Variants in FBXO15 observed in about 807,000 individuals in gnomAD.
FBXO15 encodes the protein F-box only protein 15.
In FBXO15, 30 loss-of-function variants were observed where a neutral mutation model predicts 49.5. The observed-to-expected ratio is 0.61, with a 90% CI of 0.45 to 0.82. The LOEUF is 0.82. Among genes scored for constraint, FBXO15 ranks in the 40% least tolerant of loss-of-function variants. The pLI, the probability that FBXO15 is intolerant of heterozygous loss-of-function variation, is 0.00. For synonymous variants in FBXO15, 250 were observed against 232.7 expected (o/e 1.07, Z -0.68); for missense variants, 591 against 631.5 (o/e 0.94, Z 0.69).
chr18:74,082,629 C>A (rs1026740575), intron 8 of FBXO15, among the ~76,000 whole-genome samples: 1 of 152,168 alleles, frequency 6.6e-6, no homozygotes, highest in Non-Finnish European at 1.5e-5. Context: ...CCTGGCCACA[C>A]GGAGGAGCCC....
chr18:74,089,116 T>G (rs1340208961), intron 8 of FBXO15, among the ~76,000 whole-genome samples: 2 of 152,186 alleles, frequency 1.3e-5, no homozygotes, highest in East Asian at 1.9e-4. Flanking sequence ...CTATTTATCC[T>G]GATGCTCTCT....
rs750086635 is a variant in FBXO15, at chr18:74,129,482, T to A, written c.708A>T (p.Leu236=). ...ATAAATCTAAGGTTGACAATGATGCTAGGCATGGCCATTTTTTGCCATACC... is the reference window on the plus strand; with the variant it reads ...ATAAATCTAAGGTTGACAATGATGCAAGGCATGGCCATTTTTTGCCATACC... The part of the protein sequence containing the change: ...VIWYGKKWPC[L]ASLSTLDLCG... Residue 236 remains leucine, a synonymous_variant, in exon 5 of 10, where the codon CTA becomes CTT. Transcript: ENST00000419743. 2.5e-6 allele frequency: 4 copies of A among 1,613,908 alleles called. No individual in the cohort carries two copies. The highest frequency in any genetic ancestry group is 3.4e-6 in the Non-Finnish European group (4 of 1,179,972).
intron 8 of FBXO15, among the ~76,000 whole-genome samples, chr18:74,089,137 A>G (rs1314346238): frequency 1.3e-5 from 2 of 151,920 alleles, no homozygotes; most frequent in Non-Finnish European, 2.9e-5. Context: ...CTTTCCACAC[A>G]CACACCCCTC....
At chr18:74,101,657 AG>A in intron 8 of FBXO15, among the ~76,000 whole-genome samples, 1 of 152,290 alleles carries the variant, frequency 6.6e-6, no homozygotes, top group East Asian at 1.9e-4. Flanking sequence ...GCATAGCCAA[AG>A]CAAGACTAAG....
intron 8 of FBXO15, among the ~76,000 whole-genome samples, chr18:74,118,399 T>TAC (rs1158593827): frequency 7.1e-6 from 1 of 140,538 alleles, no homozygotes; most frequent in African/African-American, 3.1e-5. Context: ...CCTGCGTATA[T>TAC]ACACATATAT....
chr18:74,141,421 G>A (rs1323040601), intron 1 of FBXO15, among the ~76,000 whole-genome samples: 1 of 152,194 alleles, frequency 6.6e-6, no homozygotes, highest in Non-Finnish European at 1.5e-5. Flanking sequence ...TATTTAAGAA[G>A]TGGCTAAATC....
intron 5 of FBXO15, among the ~76,000 whole-genome samples, chr18:74,127,484 C>T (rs1978293026): frequency 6.6e-6 from 1 of 152,204 alleles, no homozygotes; most frequent in South Asian, 2.1e-4. Flanking sequence ...GAGGCTTTCA[C>T]TGTTGTTGAA....
At chr18:74,122,330 G>A (rs985278571) in intron 8 of FBXO15, among the ~76,000 whole-genome samples, 1 of 152,190 alleles carries the variant, frequency 6.6e-6, no homozygotes, top group African/African-American at 2.4e-5. Context: ...AGCACATTAG[G>A]CAGCAAGCCC....
chr18:74,124,532 A>G lies in FBXO15; in HGVS notation c.952T>C (p.Phe318Leu). 6.2e-7 allele frequency: 1 copy of G among 1,614,122 alleles called. No individual in the cohort carries two copies. ...GTGCTCCTCTCCACAAGGTGATGAA[A>G]ATGAAGATTTGCCATAACAAAAGCC... is the stretch of plus-strand genomic sequence containing the variant. ...ELAFVMANLH[F>L]HHLVERSTLG... Residue 318 changes from phenylalanine (F) to leucine (L), a missense_variant, in exon 7 of 10, where the codon TTT becomes CTT. Coordinates refer to ENST00000419743, the MANE Select transcript of FBXO15 (RefSeq NM_001142958.2).
intron 1 of FBXO15, among the ~76,000 whole-genome samples, chr18:74,141,098 A>T (rs550890655): frequency 1.3e-5 from 2 of 152,326 alleles, no homozygotes; most frequent in East Asian, 1.9e-4. Context: ...ACAGTAGTGC[A>T]TCTTAGAATG....
At position 74,123,309 on chromosome 18, in the gene FBXO15, T is replaced by C. The variant is rs191000719; in HGVS notation, c.1138+59A>G. ...GCAATTCTTAACTCGGACATCAAAA[T>C]TGGTTCCCTCACCTCAACCTTTAAT... On this transcript the variant is annotated intron_variant, in intron 8 of 9. Transcript: ENST00000419743. The C allele has an allele frequency of 2.4e-4, 378 of 1,552,146 alleles. 2 individuals carry two copies. In the Admixed American group the frequency reaches 3.5e-3, roughly 14 times the overall value.
intron 8 of FBXO15, among the ~76,000 whole-genome samples, chr18:74,102,588 G>T (rs1913571128): frequency 6.6e-6 from 1 of 152,162 alleles, no homozygotes; most frequent in Non-Finnish European, 1.5e-5. Flanking sequence ...ATTTGATCCA[G>T]CAATTCCACT....
chr18:74,079,827 C>T (rs1912413294), intron 9 of FBXO15, among the ~76,000 whole-genome samples: 1 of 152,168 alleles, frequency 6.6e-6, no homozygotes, highest in African/African-American at 2.4e-5. Flanking sequence ...CAGCAGGTCC[C>T]AAGGACATCA....
At chr18:74,095,462 A>G (rs1440050296) in intron 8 of FBXO15, among the ~76,000 whole-genome samples, 2 of 152,148 alleles carry the variant, frequency 1.3e-5, no homozygotes, top group Non-Finnish European at 1.5e-5. Flanking sequence ...CTTTTTTACC[A>G]GGGAATAGAA....
chr18:74,084,239 A>C (rs1599135263), intron 8 of FBXO15, among the ~76,000 whole-genome samples: 1 of 152,250 alleles, frequency 6.6e-6, no homozygotes, highest in Non-Finnish European at 1.5e-5. Context: ...ATGGCTTCCC[A>C]ATACTTGAAG....
chr18:74,085,461 C>T (rs193091989), intron 8 of FBXO15, among the ~76,000 whole-genome samples: 1 of 152,238 alleles, frequency 6.6e-6, no homozygotes, highest in East Asian at 1.9e-4. Context: ...GGTGTGGTGG[C>T]AGGCATCTGT....
intron 9 of FBXO15, among the ~76,000 whole-genome samples, chr18:74,077,369 G>C (rs957282109): frequency 1.3e-5 from 2 of 152,186 alleles, no homozygotes; most frequent in Admixed American, 6.5e-5. Context: ...GAAGCAGCCA[G>C]CATGAAACAC....
chr18:74,126,749 T>C (rs756657455), intron 5 of FBXO15, among the ~76,000 whole-genome samples: 3 of 152,082 alleles, frequency 2.0e-5, no homozygotes, highest in Non-Finnish European at 4.4e-5. Context: ...CAGCAGGCAA[T>C]AGGAATTCAA....
At chr18:74,099,240 TA>T (rs1254998932) in intron 8 of FBXO15, 1 of 152,226 alleles carries the variant, frequency 6.6e-6, no homozygotes, top group Admixed American at 6.5e-5. Flanking sequence ...GCAGAAATTC[TA>T]CAAGCTAGAA....
Sources: allele counts gnomAD v4.1 joint callset (sites outside exome capture counted in the v4.1 genomes callset), GRCh38; gene constraint gnomAD v4.1.1; transcripts MANE v1.5; gene names NCBI Gene and HGNC (gene_info 2026-07-23, HGNC 2026-07-21).